Variants in DENND1A observed in about 807,000 individuals in gnomAD.
The protein encoded by DENND1A is DENN domain-containing protein 1A.
Under a neutral mutation model 113.7 loss-of-function variants are expected in DENND1A, and 51 were observed. That is an observed-to-expected ratio of 0.45 (90% CI 0.36 to 0.57). DENND1A has a LOEUF of 0.57. Among genes scored for constraint, DENND1A ranks in the 20% least tolerant of loss-of-function variants. The pLI is 0.00. For synonymous variants in DENND1A, 565 were observed against 570.8 expected, an observed-to-expected ratio of 0.99 and a Z score of 0.14; for missense variants, 1,258 against 1,395.9, an observed-to-expected ratio of 0.90 and a Z score of 1.57.
intron 1 of DENND1A, among the ~76,000 whole-genome samples, chr9:123,885,661 T>A (rs1848957974): frequency 6.6e-6 from 1 of 152,204 alleles, no homozygotes; most frequent in South Asian, 2.1e-4. Context: ...GTCTGCTCAG[T>A]TTTTGCTTCT....
rs72419269 is a variant in DENND1A, at chr9:123,779,872, C to CTTTTTTTTTTTTTT, written c.133-10310_133-10309insAAAAAAAAAAAAAA. On this transcript the variant is annotated intron_variant, in intron 3 of 23. Coordinates refer to ENST00000394215, the MANE Select transcript of DENND1A (RefSeq NM_001352964.2). ...CCTTTCACATTCCACTTGCATGAGA[C>CTTTTTTTTTTTTTT]TTTTTTTTGAGACGGAGTCTCGCTC... 6.5e-4 allele frequency among the ~76,000 whole-genome samples: 94 copies of CTTTTTTTTTTTTTT among 143,930 alleles called. 2 individuals are homozygous for CTTTTTTTTTTTTTT. Among genetic ancestry groups the CTTTTTTTTTTTTTT allele is most frequent in the South Asian group, 6.3e-3 (29 of 4,580 alleles). The allele number at this position is 143,930 out of a possible 152,430, so 94.4% of individuals were successfully genotyped here. A position where few individuals can be genotyped will look rare whatever the true frequency, so the allele number is the denominator to read the frequency against.
chr9:123,740,671 C>T (rs572829493), intron 5 of DENND1A, among the ~76,000 whole-genome samples: 2 of 152,200 alleles, frequency 1.3e-5, no homozygotes, highest in South Asian at 4.1e-4. Flanking sequence ...ATGTTAACAA[C>T]TTTACAAAGT....
At chr9:123,821,143 T>A (rs1358656637) in intron 2 of DENND1A, among the ~76,000 whole-genome samples, 1 of 152,226 alleles carries the variant, frequency 6.6e-6, no homozygotes, top group East Asian at 1.9e-4. Context: ...GTAAGTTTTT[T>A]AAAATCTCTT....
chr9:123,415,284 A>G (rs2044634676), intron 19 of DENND1A, among the ~76,000 whole-genome samples: 1 of 152,154 alleles, frequency 6.6e-6, no homozygotes, highest in Admixed American at 6.5e-5. Context: ...CTGTCACCAG[A>G]GGAAACACAC....
At chr9:123,534,261 T>G (rs1279176823) in intron 13 of DENND1A, among the ~76,000 whole-genome samples, 2 of 152,208 alleles carry the variant, frequency 1.3e-5, no homozygotes, top group Non-Finnish European at 1.5e-5. Flanking sequence ...TTCTGAGAAT[T>G]TCAAAGTTTT....
At chr9:123,843,419 G>A in intron 2 of DENND1A, 1 of 300,348 alleles carries the variant, frequency 3.3e-6, no homozygotes, top group Non-Finnish European at 6.7e-6. Context: ...ATGTTTGTTA[G>A]AACCAAATCT....
intron 18 of DENND1A, among the ~76,000 whole-genome samples, chr9:123,443,761 C>G (rs1014530991): frequency 1.3e-5 from 2 of 152,206 alleles, no homozygotes; most frequent in African/African-American, 4.8e-5. Context: ...TTGAGACCAG[C>G]TTGAGCAACA....
rs188825601 is a variant in DENND1A at position 123,871,668 on chromosome 9, G to T, written c.88+7283C>A. Among the ~76,000 whole-genome samples, 264 of 152,202 alleles carry T rather than the reference G, an allele frequency of 1.7e-3. 3 individuals carry two copies. The highest frequency in any genetic ancestry group is 1.3e-3 in the Non-Finnish European group (89 of 68,008). ...AACACCCACGTATCTGAGAAACTCA[G>T]CAACCAAAGCACCATGTCTTAGGCA... On this transcript the variant is annotated intron_variant, in intron 2 of 23. Transcript: ENST00000394215.
intron 5 of DENND1A, among the ~76,000 whole-genome samples, chr9:123,682,309 G>A (rs1046682639): frequency 9.2e-5 from 14 of 152,076 alleles, no homozygotes; most frequent in Admixed American, 2.0e-4. Flanking sequence ...AGTGCCTCCC[G>A]GGGGAAGACT....
chr9:123,428,301 C>T (rs1192537832), intron 19 of DENND1A, among the ~76,000 whole-genome samples: 5 of 152,102 alleles, frequency 3.3e-5, no homozygotes, highest in African/African-American at 1.2e-4. Flanking sequence ...AGACAAAAAC[C>T]ACATGATTAT....
chr9:123,474,563 T>C (rs371089000), intron 13 of DENND1A, among the ~76,000 whole-genome samples: 1 of 152,360 alleles, frequency 6.6e-6, no homozygotes, highest in South Asian at 2.1e-4. Flanking sequence ...CCCACATGTA[T>C]GGCAAATGTC....
chr9:123,512,787 C>T (rs889032667), intron 13 of DENND1A, among the ~76,000 whole-genome samples: 8 of 152,214 alleles, frequency 5.3e-5, no homozygotes, highest in Admixed American at 1.3e-4. Flanking sequence ...GGTTCAAATA[C>T]CAGCTTTGCT....
rs2059003015 is a variant in DENND1A at position 123,583,164 on chromosome 9, C to T, written c.867+5G>A. On this transcript the variant is annotated splice_donor_5th_base_variant and intron_variant, in intron 12 of 23. Coordinates refer to ENST00000394215, the MANE Select transcript of DENND1A (RefSeq NM_001352964.2). Reference sequence around the variant, plus strand: ...AAGTGAGATCCTCGCAAGCTCATTACCTACCACGTCGTTTGGGAGGCTCTG... The same window carrying T: ...AAGTGAGATCCTCGCAAGCTCATTATCTACCACGTCGTTTGGGAGGCTCTG... 1.2e-6 allele frequency: 2 copies of T among 1,604,582 alleles called. No individual in the cohort carries two copies. Among genetic ancestry groups the T allele is most frequent in the Non-Finnish European group, 1.7e-6 (2 of 1,174,062 alleles).
intron 13 of DENND1A, among the ~76,000 whole-genome samples, chr9:123,520,815 G>T (rs1335861182): frequency 6.6e-6 from 1 of 152,166 alleles, no homozygotes; most frequent in East Asian, 1.9e-4. Context: ...ACCTAAAGTG[G>T]TGTCTGGCAC....
intron 2 of DENND1A, among the ~76,000 whole-genome samples, chr9:123,858,457 G>C (rs1041402826): frequency 2.6e-5 from 4 of 152,092 alleles, no homozygotes; most frequent in African/African-American, 9.7e-5. Context: ...GAGAGTCTAG[G>C]GTGACTTTCA....
At chr9:123,419,035 A>G (rs1246093362) in intron 19 of DENND1A, among the ~76,000 whole-genome samples, 2 of 152,284 alleles carry the variant, frequency 1.3e-5, no homozygotes, top group South Asian at 2.1e-4. Flanking sequence ...CTGCTGGGAC[A>G]GCAGGGCCAC....
chr9:123,613,404 G>A (rs974320747), intron 10 of DENND1A, among the ~76,000 whole-genome samples: 1 of 151,628 alleles, frequency 6.6e-6, no homozygotes, highest in South Asian at 2.1e-4. Context: ...TAATTCAGAG[G>A]CATAAACGTC....
intron 19 of DENND1A, among the ~76,000 whole-genome samples, chr9:123,432,442 C>G (rs2046204811): frequency 6.6e-6 from 1 of 152,224 alleles, no homozygotes; most frequent in South Asian, 2.1e-4. Context: ...CCAAACAACT[C>G]TGGACAGCCA....
At chr9:123,914,563 A>C (rs973817679) in intron 1 of DENND1A, among the ~76,000 whole-genome samples, 1 of 150,870 alleles carries the variant, frequency 6.6e-6, no homozygotes. Flanking sequence ...AAAAAAAAAA[A>C]GAAATACCCA....
Sources: gnomAD v4.1 joint callset for allele counts (sites outside exome capture counted in the v4.1 genomes callset) on GRCh38, gnomAD v4.1.1 for gene constraint, MANE v1.5 for transcripts, NCBI Gene and HGNC (gene_info 2026-07-23, HGNC 2026-07-21) for gene names.